DMD: variants seen among roughly 807,000 people sequenced by gnomAD.
DMD encodes dystrophin.
DMD carries 63 observed loss-of-function variants against 330.1 expected under a neutral mutation model. The ratio of observed to expected loss-of-function variants is 0.19; its 90% CI spans 0.16 to 0.24. DMD has a LOEUF of 0.24. Among genes scored for constraint, DMD ranks in the 10% least tolerant of loss-of-function variants. DMD has a pLI of 1.00. For synonymous variants in DMD, 1,223 were observed against 959.8 expected, an observed-to-expected ratio of 1.27 and a Z score of -5.07; for missense variants, 3,344 against 2,684.1, an observed-to-expected ratio of 1.25 and a Z score of -5.43.
At chrX:31,185,552 A>T (rs192925135) in intron 67 of DMD, among the ~76,000 whole-genome samples, 108 of 112,188 alleles carry the variant, frequency 9.6e-4, no homozygotes, top group African/African-American at 3.2e-3. Flanking sequence ...GGTCATTTTT[A>T]AGGTAACTTC....
intron 60 of DMD, among the ~76,000 whole-genome samples, chrX:31,400,597 T>C (rs1234085776): frequency 9.0e-6 from 1 of 111,674 alleles, no homozygotes; most frequent in African/African-American, 3.3e-5. Flanking sequence ...CAGAGGAAGA[T>C]AAAGACGAAG....
chrX:31,610,855 C>T (rs769181735), intron 55 of DMD, among the ~76,000 whole-genome samples: 31 of 111,085 alleles, frequency 2.8e-4, no homozygotes, highest in Non-Finnish European at 5.5e-4. Context: ...AGTTTTTATG[C>T]AAAGGGAAAA....
At chrX:31,244,074 G>T (rs1418717420) in intron 63 of DMD, among the ~76,000 whole-genome samples, 1 of 111,875 alleles carries the variant, frequency 8.9e-6, no homozygotes, top group African/African-American at 3.2e-5. Flanking sequence ...CATTCTACCT[G>T]GAGAGATAAG....
chrX:32,767,735 TTATGCAAG>T (rs1409901313), intron 7 of DMD, among the ~76,000 whole-genome samples: 1 of 111,838 alleles, frequency 8.9e-6, no homozygotes, highest in African/African-American at 3.2e-5. Context: ...CTATAAAACA[TTATGCAAG>T]TATTTGATTC....
intron 30 of DMD, among the ~76,000 whole-genome samples, chrX:32,393,552 G>A (rs2098019193): frequency 9.0e-6 from 1 of 111,666 alleles, no homozygotes; most frequent in African/African-American, 3.3e-5. Context: ...TAAATCAGCA[G>A]TATGTTGAAG....
At chrX:31,178,545 A>T in intron 70 of DMD, 124 bp downstream of exon 70, 2 of 1,052,172 alleles carry the variant, frequency 1.9e-6, no homozygotes, top group Non-Finnish European at 2.5e-6. Context: ...CTTTTCAGCT[A>T]ATGTAAATAA....
chrX:32,587,582 G>C (rs966430263), intron 13 of DMD, among the ~76,000 whole-genome samples: 3 of 111,077 alleles, frequency 2.7e-5, no homozygotes, highest in Non-Finnish European at 5.7e-5. Flanking sequence ...GCTTCTACTA[G>C]ATAAGATTGG....
intron 23 of DMD, among the ~76,000 whole-genome samples, chrX:32,467,190 T>C (rs527271456): frequency 3.6e-5 from 4 of 112,599 alleles, no homozygotes; most frequent in African/African-American, 1.3e-4. Context: ...GCACAAAAAC[T>C]AAGCAGCTAG....
chrX:32,844,915 T>C, intron 3 of DMD, 55 bp from the exon 4 acceptor site: 1 of 971,126 alleles, frequency 1.0e-6, no homozygotes, highest in Non-Finnish European at 1.5e-6. Flanking sequence ...GACAATCTAC[T>C]AGAAATGAAA....
At chrX:31,407,596 C>T (rs1476014093) in intron 60 of DMD, among the ~76,000 whole-genome samples, 7 of 107,528 alleles carry the variant, frequency 6.5e-5, no homozygotes, top group East Asian at 2.9e-4. Context: ...CTCAGCCTCC[C>T]GAGTAGCTGG....
At chrX:31,157,969 A>G (rs975573924) in intron 74 of DMD, among the ~76,000 whole-genome samples, 6 of 107,906 alleles carry the variant, frequency 5.6e-5, no homozygotes, top group African/African-American at 2.0e-4. Flanking sequence ...ATGCCTGGCT[A>G]ATTAAAAAAA....
intron 44 of DMD, among the ~76,000 whole-genome samples, chrX:32,132,686 C>T (rs754997948): frequency 3.6e-5 from 4 of 110,704 alleles, no homozygotes; most frequent in Admixed American, 1.9e-4. Context: ...CGTGGACCTG[C>T]GCTGGAGATT....
intron 1 of DMD, among the ~76,000 whole-genome samples, chrX:33,254,749 A>G (rs1430371751): frequency 9.0e-6 from 1 of 110,692 alleles, no homozygotes; most frequent in Non-Finnish European, 1.9e-5. Flanking sequence ...AAATTTGGAC[A>G]AGATTGAGGA....
intron 1 of DMD, among the ~76,000 whole-genome samples, chrX:33,245,211 A>C (rs2148892975): frequency 9.0e-6 from 1 of 110,876 alleles, no homozygotes; most frequent in East Asian, 2.8e-4. Flanking sequence ...GCATTTCAAT[A>C]AGACTAGTTT....
At chrX:31,348,505 T>C in intron 61 of DMD, 51 bp downstream of exon 61, 1 of 1,055,686 alleles carries the variant, frequency 9.5e-7, no homozygotes, top group Non-Finnish European at 1.3e-6. Context: ...CTGTTATTCT[T>C]ATTAATCAAG....
chrX:32,819,077 C>G (rs2078008456), intron 5 of DMD, among the ~76,000 whole-genome samples: 2 of 98,309 alleles, frequency 2.0e-5, no homozygotes, highest in African/African-American at 7.8e-5. Context: ...ACTCCGAAGT[C>G]TACTCCCCAG....
At chrX:32,884,079 A>G (rs1456605210) in intron 2 of DMD, among the ~76,000 whole-genome samples, 3 of 110,466 alleles carry the variant, frequency 2.7e-5, no homozygotes, top group African/African-American at 9.9e-5. Flanking sequence ...TTACTTAAAC[A>G]TGCCATCCTC....
intron 60 of DMD, among the ~76,000 whole-genome samples, chrX:31,434,414 G>A (rs976133060): frequency 1.5e-5 from 1 of 68,412 alleles, no homozygotes; most frequent in African/African-American, 7.5e-5. Flanking sequence ...ACTGCAGCGC[G>A]CGCGCACACA....
intron 52 of DMD, among the ~76,000 whole-genome samples, chrX:31,696,160 C>A (rs747663249): frequency 8.1e-4 from 90 of 111,597 alleles, no homozygotes; most frequent in African/African-American, 2.9e-3. Flanking sequence ...CACCAAAAAC[C>A]ATGTACTAGA....
Sources: gnomAD v4.1 joint callset for allele counts (sites outside exome capture counted in the v4.1 genomes callset) on GRCh38, gnomAD v4.1.1 for gene constraint, MANE v1.5 for transcripts, NCBI Gene and HGNC (gene_info 2026-07-23, HGNC 2026-07-21) for gene names.